Variants in STARD13 observed in about 807,000 individuals in gnomAD.
The protein encoded by STARD13 is stAR-related lipid transfer protein 13.
In STARD13, 62 loss-of-function variants were observed where a neutral mutation model predicts 106.4. That is an observed-to-expected ratio of 0.58 (90% CI 0.48 to 0.72). The LOEUF (loss-of-function observed/expected upper bound fraction) is 0.72. Among genes scored for constraint, STARD13 ranks in the 30% least tolerant of loss-of-function variants. The probability of loss-of-function intolerance (pLI) is 0.00; values close to 1 mark genes in which losing one functional copy is unlikely to be tolerated. For synonymous variants in STARD13, 565 were observed against 553.0 expected, an observed-to-expected ratio of 1.02 and a Z score of -0.31; for missense variants, 1,387 against 1,424.0, an observed-to-expected ratio of 0.97 and a Z score of 0.42.
chr13:33,128,971 C>T lies in STARD13; in HGVS notation c.1706G>A (p.Arg569Lys). 2 of 1,613,924 alleles carry T rather than the reference C, an allele frequency of 1.2e-6. No homozygotes were observed. The highest frequency in any genetic ancestry group is 1.7e-6 in the Non-Finnish European group (2 of 1,179,936). ...NESEPPGVRD[R>K]RDSGVGASLT... ...AGAGGCCCCTACACCAGAATCCCTCCTGTCTCTGACCCCAGGAGGCTCAGA... is the reference window on the plus strand; with the variant it reads ...AGAGGCCCCTACACCAGAATCCCTCTTGTCTCTGACCCCAGGAGGCTCAGA... Residue 569 changes from arginine (R) to lysine (K), a missense_variant, in exon 5 of 14, where the codon AGG becomes AAG. Arg to Lys is a conservative substitution (Grantham distance 26, BLOSUM62 2). Coordinates refer to ENST00000336934, the MANE Select transcript of STARD13 (RefSeq NM_178006.4).
chr13:33,385,354 G>A, the STARD13 span, among the ~76,000 whole-genome samples: 2 of 144,576 alleles, frequency 1.4e-5, no homozygotes, highest in African/African-American at 5.1e-5. Context: ...TGCCTATTTG[G>A]TACAGCTGTC....
intron 1 of STARD13, among the ~76,000 whole-genome samples, chr13:33,278,047 G>C (rs1891546511): frequency 6.6e-6 from 1 of 152,122 alleles, no homozygotes. Context: ...TTATCTAAGG[G>C]AAGCGTAGGC....
intron 1 of STARD13, among the ~76,000 whole-genome samples, chr13:33,282,229 C>T (rs575505474): frequency 6.6e-5 from 10 of 152,222 alleles, no homozygotes; most frequent in Admixed American, 5.9e-4. Flanking sequence ...GATAAACTTT[C>T]ACTCTGCAAA....
chr13:33,385,218 A>AATATGAATATATATATATATAT, the STARD13 span, among the ~76,000 whole-genome samples: 3 of 33,566 alleles, frequency 8.9e-5, no homozygotes, highest in Admixed American at 5.4e-4. Flanking sequence ...AAAGGTTCGG[A>AATATGAATATATATATATATAT]ATATATATAT....
chr13:33,596,285 A>G, the STARD13 span, among the ~76,000 whole-genome samples: 1 of 152,232 alleles, frequency 6.6e-6, no homozygotes, highest in Non-Finnish European at 1.5e-5. Context: ...TCATCAAATT[A>G]TATTTTTATC....
chr13:33,444,797 A>T, the STARD13 span, among the ~76,000 whole-genome samples: 1 of 152,264 alleles, frequency 6.6e-6, no homozygotes, highest in South Asian at 2.1e-4. Flanking sequence ...AACAGTAAAA[A>T]ATTTCAAAAA....
chr13:33,250,088 C>T (rs887660198), intron 1 of STARD13, among the ~76,000 whole-genome samples: 3 of 152,118 alleles, frequency 2.0e-5, no homozygotes, highest in Non-Finnish European at 2.9e-5. Context: ...CTGTGCCCAG[C>T]CCCCATCATA....
Position 33,129,592 on chromosome 13 carries a change from A to G in STARD13, c.1085T>C (p.Met362Thr). 1 of 1,614,068 alleles carries G rather than the reference A, an allele frequency of 6.2e-7. No homozygotes were observed. The highest frequency in any genetic ancestry group is 8.5e-7 in the Non-Finnish European group (1 of 1,180,022). The part of the protein sequence containing the change: ...KCHEANKRGG[M>T]YLEDLDVLAG... Reference sequence around the variant, plus strand: ...CAGCACATCTAGGTCCTCCAAGTACATGCCCCCGCGCTTGTTGGCCTCGTG... The same window carrying G: ...CAGCACATCTAGGTCCTCCAAGTACGTGCCCCCGCGCTTGTTGGCCTCGTG... Residue 362 changes from methionine to threonine, a missense_variant, in exon 5 of 14, where the codon ATG (methionine) becomes ACG (threonine). Met to Thr is a moderately conservative substitution (Grantham distance 81). Transcript: ENST00000336934.
chr13:33,133,873 A>T (rs1878692805), intron 4 of STARD13, among the ~76,000 whole-genome samples: 2 of 152,196 alleles, frequency 1.3e-5, no homozygotes, highest in South Asian at 4.1e-4. Flanking sequence ...AGCATCAGGC[A>T]CATTTCAGAC....
chr13:33,489,518 G>A, the STARD13 span, among the ~76,000 whole-genome samples: 1 of 152,152 alleles, frequency 6.6e-6, no homozygotes, highest in African/African-American at 2.4e-5. Flanking sequence ...GAAATTAAAT[G>A]TTACTTTTAT....
At chr13:33,385,076 T>C in the STARD13 span, among the ~76,000 whole-genome samples, 1 of 147,346 alleles carries the variant, frequency 6.8e-6, no homozygotes, top group Non-Finnish European at 1.5e-5. Flanking sequence ...TTGATAATAG[T>C]TTCAACACAC....
At chr13:33,429,295 G>A in the STARD13 span, among the ~76,000 whole-genome samples, 3 of 139,862 alleles carry the variant, frequency 2.1e-5, no homozygotes, top group African/African-American at 1.0e-4. Flanking sequence ...AACAGATGGA[G>A]TAAAGAAAAT....
At chr13:33,674,388 GA>G in the STARD13 span, among the ~76,000 whole-genome samples, 5 of 152,194 alleles carry the variant, frequency 3.3e-5, no homozygotes, top group South Asian at 8.3e-4. Context: ...GTAAAACTAA[GA>G]AAAATAAAGA....
chr13:33,180,387 TC>T (rs1383368764), intron 1 of STARD13: 3 of 152,202 alleles, frequency 2.0e-5, no homozygotes, highest in Admixed American at 2.0e-4. Context: ...TGCGGGGATC[TC>T]AAGGGCAAAG....
At chr13:33,242,074 C>T (rs560032886) in intron 1 of STARD13, among the ~76,000 whole-genome samples, 3 of 151,598 alleles carry the variant, frequency 2.0e-5, no homozygotes, top group African/African-American at 7.3e-5. Context: ...TGCCTGGCCG[C>T]AACCCAGTCT....
intron 1 of STARD13, chr13:33,349,287 T>C (rs2078047437): frequency 8.6e-6 from 6 of 700,106 alleles, no homozygotes; most frequent in South Asian, 3.0e-5. Context: ...CTTCCAATCA[T>C]GCTTCCCCCA....
chr13:33,210,506 A>C lies in STARD13; in HGVS notation c.170-42884T>G, dbSNP rs1887659350. On this transcript the variant is annotated intron_variant, in intron 1 of 13. Coordinates refer to ENST00000336934, the MANE Select transcript of STARD13 (RefSeq NM_178006.4). Reference sequence around the variant, plus strand: ...ATGGTACACATCTTAGGGTTGTTGCACAGATTTAGTGCGTTAATGTACATA... The same window carrying C: ...ATGGTACACATCTTAGGGTTGTTGCCCAGATTTAGTGCGTTAATGTACATA... 2.0e-5 allele frequency among the ~76,000 whole-genome samples: 3 copies of C among 152,236 alleles called. 1 individual carries two copies. The South Asian group carries it at 6.2e-4, about 32-fold the overall frequency.
the STARD13 span, among the ~76,000 whole-genome samples, chr13:33,505,132 G>C: frequency 6.6e-6 from 1 of 152,152 alleles, no homozygotes; most frequent in Non-Finnish European, 1.5e-5. Flanking sequence ...GTTGATGGCA[G>C]AAAGAAAATA....
the STARD13 span, among the ~76,000 whole-genome samples, chr13:33,403,810 A>T: frequency 6.6e-6 from 1 of 152,224 alleles, no homozygotes; most frequent in African/African-American, 2.4e-5. Flanking sequence ...ACTCATGAAC[A>T]TAGAAAATAT....
Sources: allele counts gnomAD v4.1 joint callset (sites outside exome capture counted in the v4.1 genomes callset), GRCh38; gene constraint gnomAD v4.1.1; transcripts MANE v1.5; gene names NCBI Gene and HGNC (gene_info 2026-07-23, HGNC 2026-07-21).